The following CEMIP variants were observed in gnomAD, a reference collection of about 807,000 sequenced individuals.
CEMIP encodes cell migration inducing hyaluronidase 1.
CEMIP carries 105 observed loss-of-function variants against 156.9 expected under a neutral mutation model. The observed-to-expected ratio is 0.67, with a 90% CI of 0.57 to 0.79. The LOEUF (loss-of-function observed/expected upper bound fraction) is 0.79. Among genes scored for constraint, CEMIP ranks in the 30% least tolerant of loss-of-function variants. The probability of loss-of-function intolerance (pLI) is 0.00; values close to 1 mark genes in which losing one functional copy is unlikely to be tolerated. For missense variants in CEMIP, 1,457 were observed against 1,769.4 expected (o/e 0.82, Z 3.17); for synonymous variants, 676 against 668.4 (o/e 1.01, Z -0.17).
At chr15:80,860,142 C>T (rs1452869202) in intron 1 of CEMIP, among the ~76,000 whole-genome samples, 1 of 152,206 alleles carries the variant, frequency 6.6e-6, no homozygotes, top group Non-Finnish European at 1.5e-5. Context: ...TGCTTCATTC[C>T]CCCTGTTCCT....
At chr15:80,802,457 G>A (rs956746649) in intron 1 of CEMIP, among the ~76,000 whole-genome samples, 3 of 152,206 alleles carry the variant, frequency 2.0e-5, no homozygotes, top group Non-Finnish European at 2.9e-5. Context: ...TGTCAGCAAT[G>A]CAGCCTCCAG....
At chr15:80,794,216 C>T (rs763771960) in intron 1 of CEMIP, among the ~76,000 whole-genome samples, 2 of 152,200 alleles carry the variant, frequency 1.3e-5, no homozygotes, top group Admixed American at 1.3e-4. Context: ...TCAGAAATTT[C>T]TCCCTCACAC....
intron 1 of CEMIP, among the ~76,000 whole-genome samples, chr15:80,814,431 T>C (rs1896744788): frequency 1.3e-5 from 2 of 152,198 alleles, no homozygotes; most frequent in Non-Finnish European, 2.9e-5. Flanking sequence ...GTTCTCTCTC[T>C]GCTCCAGCTA....
intron 1 of CEMIP, among the ~76,000 whole-genome samples, chr15:80,865,614 C>T (rs1473697206): frequency 6.6e-6 from 1 of 150,426 alleles, no homozygotes; most frequent in African/African-American, 2.5e-5. Context: ...TTTTGCTTAT[C>T]TGTGATGGTG....
intron 1 of CEMIP, among the ~76,000 whole-genome samples, chr15:80,858,406 A>G (rs190836385): frequency 2.0e-4 from 30 of 152,352 alleles, no homozygotes; most frequent in Non-Finnish European, 4.0e-4. Context: ...TATGAGAGCA[A>G]AAAGACTTGG....
Position 80,829,965 on chromosome 15 carries a change from G to GGTGTGTGTGTGT in CEMIP, c.-175-43547_-175-43536dup, listed in dbSNP as rs370594946. ...CTAGTACCATAGAAGGGAGGTAGCG[G>GGTGTGTGTGTGT]GTGTGTGTGTGTGTGTGTGTGTGTG... On this transcript the variant is annotated intron_variant, in intron 1 of 29. Transcript: ENST00000394685. Among the ~76,000 whole-genome samples the GGTGTGTGTGTGT allele has an allele frequency of 2.5e-3, 330 of 133,780 alleles. 4 individuals are homozygous for GGTGTGTGTGTGT. Among genetic ancestry groups the GGTGTGTGTGTGT allele is most frequent in the Middle Eastern group, 7.4e-3 (2 of 270 alleles). The allele number at this position is 133,780 out of a possible 152,430, so 87.8% of individuals were successfully genotyped here.
Position 80,881,011 on chromosome 15 carries a change from G to A in CEMIP, c.492G>A (p.Leu164=), listed in dbSNP as rs771524778. The change falls in exon 6 of 30, where the codon CTG becomes CTA. Residue 164 remains leucine (L), a synonymous_variant. Coordinates refer to ENST00000394685, the MANE Select transcript of CEMIP (RefSeq NM_001293298.2). ...AGAAAAAGCTCTCCTGGACATTTCT[G>A]AACAAGACCCTTCACCCAGGTGGCA... ...HGQKKLSWTF[L]NKTLHPGGMA... 8.7e-6 allele frequency: 14 copies of A among 1,614,188 alleles called. No individual in the cohort carries two copies.
intron 3 of CEMIP, among the ~76,000 whole-genome samples, chr15:80,875,095 A>G (rs1031343229): frequency 9.5e-5 from 12 of 126,886 alleles, no homozygotes; most frequent in African/African-American, 3.4e-4. Flanking sequence ...GTGCAGTGAT[A>G]TGATCGTGGT....
chr15:80,902,788 T>C (rs562024669), intron 12 of CEMIP, among the ~76,000 whole-genome samples: 66 of 152,288 alleles, frequency 4.3e-4, no homozygotes, highest in African/African-American at 1.5e-3. Context: ...CCCATTATTA[T>C]AGGTGTGAAG....
intron 1 of CEMIP, among the ~76,000 whole-genome samples, chr15:80,787,280 G>C (rs933131152): frequency 2.0e-5 from 3 of 152,236 alleles, no homozygotes; most frequent in African/African-American, 4.8e-5. Context: ...TGAGAGTAAG[G>C]CTTGTTCAGT....
chr15:80,877,446 C>T lies in CEMIP; in HGVS notation c.95-1275C>T, dbSNP rs115208553. Among the ~76,000 whole-genome samples, 685 of 152,332 alleles carry T rather than the reference C, an allele frequency of 4.5e-3. 6 individuals carry two copies. The highest frequency in any genetic ancestry group is 0.016 in the African/African-American group (653 of 41,570). On this transcript the variant is annotated intron_variant, in intron 3 of 29. Coordinates refer to ENST00000394685, the MANE Select transcript of CEMIP (RefSeq NM_001293298.2). The stretch of plus-strand genomic sequence containing the variant: ...TACCTGCACGTCACCTTCCCACCTC[C>T]TCACCCCCAACCCGGGTTAATTTGA...
Position 80,924,701 on chromosome 15 carries a change from T to A in CEMIP, c.2283T>A (p.Ser761=). ...KDKRPFLSII[S]ARYSPHQDAD... ...AGCGGCCGTTCCTCTCAATCATCTC[T>A]GCCAGGTAATCAGCCATTGGGAAGA... Residue 761 remains serine (S), a synonymous_variant, in exon 18 of 30, where the codon TCT becomes TCA. Coordinates refer to ENST00000394685, the MANE Select transcript of CEMIP (RefSeq NM_001293298.2). The A allele has an allele frequency of 3.1e-6, 5 of 1,614,112 alleles. No homozygotes were observed. The highest frequency in any genetic ancestry group is 1.3e-5 in the African/African-American group (1 of 75,050).
intron 1 of CEMIP, among the ~76,000 whole-genome samples, chr15:80,838,347 G>C (rs1056803535): frequency 4.6e-5 from 7 of 151,996 alleles, no homozygotes; most frequent in African/African-American, 1.4e-4. Flanking sequence ...GCTGCCTCCA[G>C]AACTGTGGCG....
chr15:80,946,296 A>T (rs1037657146), intron 28 of CEMIP: 1 of 153,054 alleles, frequency 6.5e-6, no homozygotes, highest in Non-Finnish European at 1.5e-5. Context: ...ATCTTCTAGC[A>T]TGGGGCTTCT....
intron 1 of CEMIP, among the ~76,000 whole-genome samples, chr15:80,866,526 G>T (rs1037750732): frequency 1.1e-4 from 17 of 151,986 alleles, no homozygotes; most frequent in Non-Finnish European, 2.1e-4. Context: ...GGGAGGCAGA[G>T]GTTGCAGTGA....
chr15:80,819,269 G>A (rs1896857972), intron 1 of CEMIP, among the ~76,000 whole-genome samples: 1 of 152,206 alleles, frequency 6.6e-6, no homozygotes, highest in Non-Finnish European at 1.5e-5. Flanking sequence ...AGTGTGGTTA[G>A]GAGCTCAGGA....
chr15:80,853,760 C>T (rs1393560400), intron 1 of CEMIP, among the ~76,000 whole-genome samples: 1 of 152,194 alleles, frequency 6.6e-6, no homozygotes, highest in African/African-American at 2.4e-5. Flanking sequence ...ATGGTGTATA[C>T]ATAAGAAGGG....
At chr15:80,888,892 T>A in intron 9 of CEMIP, 96 bp downstream of exon 9, 1 of 1,095,062 alleles carries the variant, frequency 9.1e-7, no homozygotes, top group Non-Finnish European at 1.4e-6. Flanking sequence ...CTTATACCAG[T>A]AGGACCACTT....
At chr15:80,872,100 C>T (rs1898314035) in intron 1 of CEMIP, among the ~76,000 whole-genome samples, 3 of 152,344 alleles carry the variant, frequency 2.0e-5, no homozygotes, top group Admixed American at 6.5e-5. Context: ...GCCTGTCCCA[C>T]CTCACTGAAC....
Sources: gnomAD v4.1 joint callset for allele counts (sites outside exome capture counted in the v4.1 genomes callset) on GRCh38, gnomAD v4.1.1 for gene constraint, MANE v1.5 for transcripts, NCBI Gene and HGNC (gene_info 2026-07-23, HGNC 2026-07-21) for gene names.